AADAT: variants seen among roughly 807,000 people sequenced by gnomAD.
AADAT encodes aminoadipate aminotransferase, also known as kynurenine/alpha-aminoadipate aminotransferase, mitochondrial.
AADAT carries 25 observed loss-of-function variants against 56.2 expected under a neutral mutation model. The observed-to-expected ratio is 0.44, with a 90% confidence interval of 0.32 to 0.62. The LOEUF is 0.62. Among genes scored for constraint, AADAT ranks in the 20% least tolerant of loss-of-function variants. AADAT has a pLI of 0.04. For missense variants in AADAT, 387 were observed against 510.5 expected (o/e 0.76, Z 2.33); for synonymous variants, 173 against 164.7 (o/e 1.05, Z -0.39).
intron 4 of AADAT, among the ~76,000 whole-genome samples, chr4:170,075,164 C>T (rs150057284): frequency 2.9e-4 from 44 of 152,222 alleles, no homozygotes; most frequent in African/African-American, 9.6e-4. Flanking sequence ...AACATTTGTG[C>T]GTGTGTATAT....
intron 11 of AADAT, among the ~76,000 whole-genome samples, chr4:170,064,072 A>G (rs1043720490): frequency 2.0e-5 from 3 of 152,232 alleles, no homozygotes; most frequent in African/African-American, 7.2e-5. Context: ...CACAGCCAAA[A>G]TACTGTAAGA....
At chr4:170,069,508 A>T (rs1292106635) in intron 6 of AADAT, among the ~76,000 whole-genome samples, 1 of 152,214 alleles carries the variant, frequency 6.6e-6, no homozygotes, top group East Asian at 1.9e-4. Flanking sequence ...AACTTCAAAC[A>T]GGCCCTCTTT....
intron 2 of AADAT, 51 bp from the exon 3 acceptor site, chr4:170,087,299 C>T: frequency 6.6e-7 from 1 of 1,516,506 alleles, no homozygotes; most frequent in Non-Finnish European, 9.0e-7. Flanking sequence ...ATCATAGTAA[C>T]AGTAGTAGAC....
At chr4:170,085,261 G>A (rs1732501302) in intron 3 of AADAT, among the ~76,000 whole-genome samples, 1 of 152,172 alleles carries the variant, frequency 6.6e-6, no homozygotes, top group African/African-American at 2.4e-5. Context: ...ATTTTCAACT[G>A]CATGGAGTCA....
intron 9 of AADAT, 116 bp from the exon 10 acceptor site, chr4:170,066,594 G>T: frequency 2.7e-6 from 2 of 740,868 alleles, no homozygotes; most frequent in African/African-American, 1.7e-5. Context: ...AATGTTGAAT[G>T]CTTGATAGAA....
Position 170,088,571 on chromosome 4 carries a change from T to C in AADAT, c.68-7A>G. ...CCTCTGCTCAATATGTCAGCTACAA[T>C]ACACATGGAAGAGAAGAAACAATTT... On this transcript the variant is annotated splice_polypyrimidine_tract_variant and splice_region_variant and intron_variant, in intron 1 of 12. Coordinates refer to ENST00000337664, the MANE Select transcript of AADAT (RefSeq NM_016228.4). 2 of 1,599,956 alleles carry C rather than the reference T, an allele frequency of 1.3e-6. No homozygotes were observed. Among genetic ancestry groups the C allele is most frequent in the South Asian group, 1.1e-5 (1 of 90,226 alleles).
chr4:170,085,493 C>T (rs1732514098), intron 3 of AADAT, among the ~76,000 whole-genome samples: 1 of 152,092 alleles, frequency 6.6e-6, no homozygotes, highest in Non-Finnish European at 1.5e-5. Context: ...ATTAGTGCCC[C>T]TATAATAAGC....
In AADAT at chr4:170,087,166, C is replaced by T. The variant is rs1182519128; in HGVS notation, c.319G>A (p.Gly107Arg). 1.2e-6 allele frequency: 2 copies of T among 1,614,080 alleles called. No individual in the cohort carries two copies. Among genetic ancestry groups the T allele is most frequent in the Non-Finnish European group, 1.7e-6 (2 of 1,180,014 alleles). Residue 107 changes from glycine (G) to arginine (R), a missense_variant, in exon 3 of 13, where the codon GGA becomes AGA. Coordinates refer to ENST00000337664, the MANE Select transcript of AADAT (RefSeq NM_016228.4). ...GATGTGACACATAGATCCATTTGTCCTTGACTGGGTGGGTAATGGATGGTA... is the reference window on the plus strand; with the variant it reads ...GATGTGACACATAGATCCATTTGTCTTTGACTGGGTGGGTAATGGATGGTA... Reference protein sequence around the residue: ...PPTIHYPPSQGQMDLCVTSGS... With the variant: ...PPTIHYPPSQRQMDLCVTSGS...
upstream of AADAT, among the ~76,000 whole-genome samples, chr4:170,090,876 A>G (rs1732795360): frequency 6.6e-6 from 1 of 152,166 alleles, no homozygotes; most frequent in African/African-American, 2.4e-5. Flanking sequence ...TTCAGCACAA[A>G]TTTACTGAGT....
At chr4:170,062,916 T>C (rs561720500) in intron 11 of AADAT, among the ~76,000 whole-genome samples, 1 of 152,198 alleles carries the variant, frequency 6.6e-6, no homozygotes, top group African/African-American at 2.4e-5. Flanking sequence ...GCAGGTCACA[T>C]CTTAGAATTA....
intron 1 of AADAT, 158 bp downstream of exon 1, chr4:170,089,466 G>A (rs939495996): frequency 1.3e-6 from 1 of 779,680 alleles, no homozygotes. Flanking sequence ...AACAAAGGCT[G>A]TGTCTATTTC....
At chr4:170,076,309 G>A (rs1199277146) in intron 4 of AADAT, among the ~76,000 whole-genome samples, 3 of 151,928 alleles carry the variant, frequency 2.0e-5, no homozygotes, top group Non-Finnish European at 2.9e-5. Context: ...GTTTTGATTT[G>A]CTTTTCTCTA....
intron 4 of AADAT, among the ~76,000 whole-genome samples, chr4:170,074,278 G>C (rs981868901): frequency 6.6e-6 from 1 of 151,998 alleles, no homozygotes; most frequent in East Asian, 1.9e-4. Flanking sequence ...TGATGCTGAG[G>C]TTTGGGGTAC....
At chr4:170,093,001 A>G (rs1482941092), upstream of AADAT, among the ~76,000 whole-genome samples, 1 of 152,232 alleles carries the variant, frequency 6.6e-6, no homozygotes, top group African/African-American at 2.4e-5. Context: ...AGCACCGGAA[A>G]CATCTAAATA....
At chr4:170,072,659 T>C (rs72975159) in intron 5 of AADAT, among the ~76,000 whole-genome samples, 1,843 of 152,262 alleles carry the variant, frequency 0.012, 47 homozygotes, top group African/African-American at 0.04. Context: ...CTGGGGAGCT[T>C]AATATATGTT....
At chr4:170,068,557 C>CA (rs3214945) in intron 8 of AADAT, 34 bp downstream of exon 8, 514,584 of 1,336,360 alleles carry the variant, frequency 0.39, 66,328 homozygotes, top group East Asian at 0.72. Flanking sequence ...AATCTGATTA[C>CA]AAAAAAAAAA....
At position 170,078,545 on chromosome 4, in the gene AADAT, G is replaced by C. The variant is rs770799866; in HGVS notation, c.408C>G (p.Leu136=). Residue 136 remains leucine (L), a synonymous_variant, in exon 4 of 13, where the codon CTC becomes CTG. Coordinates refer to ENST00000337664, the MANE Select transcript of AADAT (RefSeq NM_016228.4). The part of the protein sequence containing the change: ...EMIINPGDNV[L]LDEPAYSGTL... The stretch of plus-strand genomic sequence containing the variant: ...TTCCTGAATAAGCAGGTTCATCTAG[G>C]AGGACATTATCTCCAGGATTAATGA... 5.6e-6 allele frequency: 9 copies of C among 1,608,268 alleles called. No homozygotes were observed. The highest frequency in any genetic ancestry group is 1.1e-5 in the South Asian group (1 of 90,234).
chr4:170,069,716 C>T (rs1731667123), intron 6 of AADAT, among the ~76,000 whole-genome samples: 1 of 152,132 alleles, frequency 6.6e-6, no homozygotes, highest in Non-Finnish European at 1.5e-5. Context: ...CTGACTTCAA[C>T]ATTTACTTTA....
At chr4:170,067,282 G>T in intron 9 of AADAT, 45 bp downstream of exon 9, 1 of 1,428,218 alleles carries the variant, frequency 7.0e-7, no homozygotes, top group Non-Finnish European at 9.8e-7. Context: ...TATGTTCACT[G>T]GGCTCCTGTT....
Sources: gnomAD v4.1 joint callset for allele counts (sites outside exome capture counted in the v4.1 genomes callset) on GRCh38, gnomAD v4.1.1 for gene constraint, MANE v1.5 for transcripts, NCBI Gene and HGNC (gene_info 2026-07-23, HGNC 2026-07-21) for gene names.